Variants in PRR23E observed in about 807,000 individuals in gnomAD.
PRR23E encodes proline-rich protein 23E.
the PRR23E span, chr3:127,196,759 A>G: frequency 6.3e-7 from 1 of 1,596,456 alleles, no homozygotes; most frequent in Non-Finnish European, 8.5e-7. Context: ...GAGGAAGCCC[A>G]CGGGACTCTG....
At chr3:127,197,084 A>G in the PRR23E span, 8 of 1,597,842 alleles carry the variant, frequency 5.0e-6, no homozygotes, top group Non-Finnish European at 6.8e-6. Flanking sequence ...TCCCCATGAA[A>G]TTCCCACCCA....
the PRR23E span, among the ~76,000 whole-genome samples, chr3:127,195,829 G>A: frequency 6.6e-6 from 1 of 152,184 alleles, no homozygotes; most frequent in African/African-American, 2.4e-5. Context: ...GTCAAAGCAT[G>A]TACTGCGCAT....
chr3:127,197,353 G>A, the PRR23E span: 601 of 1,589,740 alleles, frequency 3.8e-4, no homozygotes, highest in Non-Finnish European at 4.8e-4. Flanking sequence ...CTGGACCCGG[G>A]CTGCTCCCGC....
the PRR23E span, chr3:127,193,338 T>G: frequency 2.7e-3 from 410 of 152,402 alleles, 1 homozygote; most frequent in Non-Finnish European, 4.7e-3. Flanking sequence ...GGCGAGGGCC[T>G]GAGGACCTTC....
At chr3:127,197,361 C>G in the PRR23E span, 1 of 1,585,304 alleles carries the variant, frequency 6.3e-7, no homozygotes, top group Non-Finnish European at 8.5e-7. Context: ...GGGCTGCTCC[C>G]GCTCCTCCTC....
the PRR23E span, chr3:127,197,362 G>T: frequency 1.9e-6 from 3 of 1,583,708 alleles, no homozygotes; most frequent in Non-Finnish European, 1.7e-6. Flanking sequence ...GGCTGCTCCC[G>T]CTCCTCCTCC....
chr3:127,197,350 C>T, the PRR23E span: 22 of 1,591,608 alleles, frequency 1.4e-5, no homozygotes, highest in South Asian at 7.8e-5. Flanking sequence ...CAGCTGGACC[C>T]GGGCTGCTCC....
the PRR23E span, chr3:127,197,038 C>T: frequency 1.4e-4 from 227 of 1,594,438 alleles, no homozygotes; most frequent in Non-Finnish European, 1.4e-4. Context: ...ATAGGAAGTC[C>T]GTATCTGGCT....
the PRR23E span, among the ~76,000 whole-genome samples, chr3:127,193,578 C>T: frequency 3.8e-4 from 58 of 152,264 alleles, no homozygotes; most frequent in African/African-American, 4.6e-4. Context: ...TCCCTCCACC[C>T]GCTGCAGCTG....
chr3:127,195,392 C>T, the PRR23E span, among the ~76,000 whole-genome samples: 5 of 152,248 alleles, frequency 3.3e-5, no homozygotes, highest in Admixed American at 3.3e-4. Context: ...CTGCCATGCT[C>T]GCCCTGAGAG....
the PRR23E span, chr3:127,197,006 C>T: frequency 2.2e-5 from 35 of 1,597,806 alleles, 1 homozygote; most frequent in East Asian, 4.5e-5. Context: ...ATTGGAGGGG[C>T]GCCTCCAGCT....
chr3:127,195,112 C>A, the PRR23E span, among the ~76,000 whole-genome samples: 4 of 152,128 alleles, frequency 2.6e-5, no homozygotes, highest in African/African-American at 9.7e-5. Context: ...CTCCAGTTTC[C>A]GCTGTAACTG....
chr3:127,196,943 T>C, the PRR23E span: 1 of 1,599,448 alleles, frequency 6.3e-7, no homozygotes, highest in Non-Finnish European at 8.5e-7. Flanking sequence ...ATGGTGGGTA[T>C]CTCTGGATGG....
chr3:127,194,490 C>T, the PRR23E span, among the ~76,000 whole-genome samples: 13 of 152,206 alleles, frequency 8.5e-5, no homozygotes, highest in Admixed American at 8.5e-4. Context: ...GAAGTACATA[C>T]GATGTAGTGT....
the PRR23E span, chr3:127,196,745 C>T: frequency 9.4e-6 from 15 of 1,595,438 alleles, no homozygotes; most frequent in South Asian, 1.7e-4. Context: ...CCTTCGAGGC[C>T]TCCGAGGAAG....
chr3:127,194,543 C>A, the PRR23E span, among the ~76,000 whole-genome samples: 5 of 152,204 alleles, frequency 3.3e-5, no homozygotes, highest in Admixed American at 6.5e-5. Context: ...TACCTTTGGG[C>A]AGTTGAGGAA....
At chr3:127,196,254 C>A in the PRR23E span, among the ~76,000 whole-genome samples, 1 of 152,134 alleles carries the variant, frequency 6.6e-6, no homozygotes, top group Non-Finnish European at 1.5e-5. Context: ...AGGGGCTTTG[C>A]TGAATCTTTA....
the PRR23E span, among the ~76,000 whole-genome samples, chr3:127,196,070 C>G: frequency 6.6e-6 from 1 of 152,136 alleles, no homozygotes; most frequent in Non-Finnish European, 1.5e-5. Flanking sequence ...ACCTGACAGG[C>G]CTTGTGTTCA....
At chr3:127,198,013 G>A in the PRR23E span, 1 of 152,202 alleles carries the variant, frequency 6.6e-6, no homozygotes, top group Non-Finnish European at 1.5e-5. Flanking sequence ...TTGTTCCAGT[G>A]GACACAGAGT....
Sources: gnomAD v4.1 joint callset for allele counts (sites outside exome capture counted in the v4.1 genomes callset) on GRCh38, gnomAD v4.1.1 for gene constraint, MANE v1.5 for transcripts, NCBI Gene and HGNC (gene_info 2026-07-23, HGNC 2026-07-21) for gene names.